The following ABL2 variants were observed in gnomAD, a reference collection of about 807,000 sequenced individuals.
The protein encoded by ABL2 is ABL proto-oncogene 2, non-receptor tyrosine kinase, also known as tyrosine-protein kinase ABL2.
In ABL2, 49 loss-of-function variants were observed where a neutral mutation model predicts 107.7. The ratio of observed to expected loss-of-function variants is 0.45; its 90% CI spans 0.36 to 0.58. The LOEUF is 0.58. ABL2 is among the 20% of genes least tolerant of loss of function. ABL2 has a pLI of 0.00. For missense variants in ABL2, 1,245 were observed against 1,457.0 expected (o/e 0.85, Z 2.37); for synonymous variants, 549 against 548.6 (o/e 1.00, Z -0.01).
intron 1 of ABL2, among the ~76,000 whole-genome samples, chr1:179,220,541 C>G (rs1662815453): frequency 6.6e-6 from 1 of 152,182 alleles, no homozygotes. Context: ...ATTACCAAAC[C>G]ATGTCTTTTT....
At chr1:179,113,589 C>T (rs778392814) in intron 9 of ABL2, among the ~76,000 whole-genome samples, 48 of 152,076 alleles carry the variant, frequency 3.2e-4, no homozygotes, top group Admixed American at 7.2e-4. Context: ...CACTTGAGAC[C>T]AGGAGTTCGA....
chr1:179,150,631 G>A lies in ABL2; in HGVS notation c.158-17257C>T, dbSNP rs144741284. ...TGAGATGGAATCTATTCCTGGTAAAGATGCTGGGAATACTGTTTAATTATG... is the reference window on the plus strand; with the variant it reads ...TGAGATGGAATCTATTCCTGGTAAAAATGCTGGGAATACTGTTTAATTATG... On this transcript the variant is annotated intron_variant, in intron 1 of 11. Transcript: ENST00000502732. Among the ~76,000 whole-genome samples the A allele has an allele frequency of 5.3e-5, 8 of 152,334 alleles. No individual in the cohort carries two copies. The East Asian group carries it at 1.5e-3, about 29-fold the overall frequency.
At chr1:179,199,731 C>CG (rs377171001) in intron 1 of ABL2, among the ~76,000 whole-genome samples, 1 of 136,184 alleles carries the variant, frequency 7.3e-6, no homozygotes, top group Non-Finnish European at 1.6e-5. Flanking sequence ...ACACTTTTTC[C>CG]TTTTTTTTTT....
intron 1 of ABL2, among the ~76,000 whole-genome samples, chr1:179,176,863 T>C (rs1260426533): frequency 2.0e-5 from 3 of 151,910 alleles, no homozygotes; most frequent in Non-Finnish European, 4.4e-5. Context: ...GCTTGGCTAA[T>C]TTTTGTATTT....
rs554048112 is a variant in ABL2, at chr1:179,103,798, A to G, written c.*3920T>C. Reference sequence around the variant, plus strand: ...TATGGTGGAAAGACCCCACAACCATAAAGTCAAGAGACTTGAATTCTAGCC... The same window carrying G: ...TATGGTGGAAAGACCCCACAACCATGAAGTCAAGAGACTTGAATTCTAGCC... On this transcript the variant is annotated 3_prime_UTR_variant, in exon 12 of 12. Transcript: ENST00000502732. 1.7e-5 allele frequency: 4 copies of G among 230,284 alleles called. No homozygotes were observed. The highest frequency in any genetic ancestry group is 6.6e-5 in the African/African-American group (3 of 45,280). The allele number at this position is 230,284 out of a possible 1,614,324, so 14.3% of individuals were successfully genotyped here. A position where few individuals can be genotyped will look rare whatever the true frequency, so the allele number is the denominator to read the frequency against.
At chr1:179,130,091 C>T (rs1031026392) in intron 3 of ABL2, among the ~76,000 whole-genome samples, 1 of 152,138 alleles carries the variant, frequency 6.6e-6, no homozygotes, top group African/African-American at 2.4e-5. Context: ...AGGCACATGC[C>T]GCTACACACG....
chr1:179,187,567 T>C (rs1660744133), intron 1 of ABL2, among the ~76,000 whole-genome samples: 1 of 152,220 alleles, frequency 6.6e-6, no homozygotes, highest in Non-Finnish European at 1.5e-5. Flanking sequence ...GGAGTTTCTT[T>C]GGGGAATTTT....
chr1:179,177,102 C>T (rs1478378811), intron 1 of ABL2, among the ~76,000 whole-genome samples: 1 of 152,006 alleles, frequency 6.6e-6, no homozygotes, highest in Non-Finnish European at 1.5e-5. Context: ...GTGAATGAAT[C>T]AATAGAAGAG....
intron 1 of ABL2, among the ~76,000 whole-genome samples, chr1:179,188,399 T>A (rs1357217331): frequency 6.7e-6 from 1 of 150,182 alleles, no homozygotes. Flanking sequence ...AAAAAAAAAA[T>A]AGCGGGACGT....
chr1:179,107,108 C>G lies in ABL2; in HGVS notation c.*610G>C, dbSNP rs1187024393. The G allele has an allele frequency of 4.3e-6, 1 of 231,140 alleles. No individual in the cohort carries two copies. The highest frequency in any genetic ancestry group is 8.6e-6 in the Non-Finnish European group (1 of 116,700). The allele number at this position is 231,140 out of a possible 1,614,324, so 14.3% of individuals were successfully genotyped here. A position where few individuals can be genotyped will look rare whatever the true frequency, so the allele number is the denominator to read the frequency against. On this transcript the variant is annotated 3_prime_UTR_variant, in exon 12 of 12. Transcript: ENST00000502732. ...TCTTTACTTCCTGCACTAACTGATA[C>G]ACCAGCGGAAAATAGGACAGAGGCA...
At chr1:179,224,415 C>T (rs867344805) in intron 1 of ABL2, among the ~76,000 whole-genome samples, 2 of 151,554 alleles carry the variant, frequency 1.3e-5, no homozygotes, top group Non-Finnish European at 2.9e-5. Flanking sequence ...TATAGGTGCC[C>T]GCCACCACAC....
intron 1 of ABL2, among the ~76,000 whole-genome samples, chr1:179,140,562 A>C (rs1657480559): frequency 2.0e-5 from 3 of 152,188 alleles, no homozygotes; most frequent in Admixed American, 2.0e-4. Context: ...TGTTTTGTTC[A>C]CTGAACAGTG....
At chr1:179,204,479 C>T in intron 1 of ABL2, among the ~76,000 whole-genome samples, 1 of 152,032 alleles carries the variant, frequency 6.6e-6, no homozygotes, top group South Asian at 2.1e-4. Context: ...GGTCTGGTGG[C>T]TCACACCTGT....
chr1:179,225,655 C>G (rs1173175565), intron 1 of ABL2, among the ~76,000 whole-genome samples: 1 of 152,124 alleles, frequency 6.6e-6, no homozygotes, highest in African/African-American at 2.4e-5. Context: ...TGGGTAGAGT[C>G]CAGGGATGCT....
In ABL2 at chr1:179,099,644, A is replaced by G; in HGVS notation, c.*8074T>C. The G allele has an allele frequency of 8.6e-6, 2 of 231,326 alleles. No homozygotes were observed. Among genetic ancestry groups the G allele is most frequent in the East Asian group, 6.1e-5 (1 of 16,366 alleles). 14.3% of individuals were successfully genotyped at this position (231,326 alleles called of 1,614,324 possible). ...ATGCACACAGTGCCCGATGCTCCAA[A>G]CCTCACCCTCTGTGCACCACATACA... On this transcript the variant is annotated 3_prime_UTR_variant, in exon 12 of 12. Coordinates refer to ENST00000502732, the MANE Select transcript of ABL2 (RefSeq NM_007314.4).
intron 1 of ABL2, among the ~76,000 whole-genome samples, chr1:179,210,085 A>C (rs1410598027): frequency 6.6e-6 from 1 of 152,100 alleles, no homozygotes; most frequent in African/African-American, 2.4e-5. Context: ...GGGTGGTCTC[A>C]AACTCCTGCC....
chr1:179,212,740 AAAAG>A (rs1404616086), intron 1 of ABL2, among the ~76,000 whole-genome samples: 3 of 148,606 alleles, frequency 2.0e-5, no homozygotes, highest in Non-Finnish European at 3.0e-5. Flanking sequence ...TCTCAAAAAA[AAAAG>A]AAAGAAATAC....
chr1:179,188,883 T>A (rs1660838406), intron 1 of ABL2, among the ~76,000 whole-genome samples: 1 of 152,232 alleles, frequency 6.6e-6, no homozygotes, highest in East Asian at 1.9e-4. Flanking sequence ...AAACTGAGAC[T>A]ATTGATTGCC....
At chr1:179,145,570 G>A (rs1325843832) in intron 1 of ABL2, among the ~76,000 whole-genome samples, 2 of 152,130 alleles carry the variant, frequency 1.3e-5, no homozygotes, top group Non-Finnish European at 2.9e-5. Context: ...AGGCTGAGGT[G>A]GAAAAGTGCA....
Sources: gnomAD v4.1 joint callset for allele counts (sites outside exome capture counted in the v4.1 genomes callset) on GRCh38, gnomAD v4.1.1 for gene constraint, MANE v1.5 for transcripts, NCBI Gene and HGNC (gene_info 2026-07-23, HGNC 2026-07-21) for gene names.